Variants in OTULINL observed in about 807,000 individuals in gnomAD.
OTULINL encodes the protein OTU deubiquitinase with linear linkage specificity like.
A neutral mutation model predicts 43.9 loss-of-function variants in OTULINL; 42 were observed. The ratio of observed to expected loss-of-function variants is 0.96; its 90% confidence interval spans 0.75 to 1.24. OTULINL has a LOEUF of 1.24. Among genes scored for constraint, OTULINL ranks in the 50% most tolerant of loss-of-function variants. The pLI, the probability that OTULINL is intolerant of heterozygous loss-of-function variation, is 0.00. For missense variants in OTULINL, 411 were observed against 426.4 expected (o/e 0.96, Z 0.32); for synonymous variants, 172 against 153.6 (o/e 1.12, Z -0.88).
intron 1 of OTULINL, among the ~76,000 whole-genome samples, chr5:14,600,715 ATTC>A (rs1391577050): frequency 6.6e-6 from 1 of 152,150 alleles, no homozygotes; most frequent in African/African-American, 2.4e-5. Context: ...CATACTCTTT[ATTC>A]TTCTTAATTT....
In OTULINL at chr5:14,612,246, T is replaced by G. The variant is rs1299318221; in HGVS notation, c.*1932T>G. 6.6e-6 allele frequency: 1 copy of G among 152,270 alleles called. No homozygotes were observed. Among genetic ancestry groups the G allele is most frequent in the Non-Finnish European group, 1.5e-5 (1 of 68,050 alleles). The allele number at this position is 152,270 out of a possible 1,614,324, so 9.4% of individuals were successfully genotyped here. A position where few individuals can be genotyped will look rare whatever the true frequency, so the allele number is the denominator to read the frequency against. Reference sequence around the variant, plus strand: ...TGGCTGATACTTATAGAATTGTTGCTCCAAAATTTTGGCTCCACTTGAGCT... The same window carrying G: ...TGGCTGATACTTATAGAATTGTTGCGCCAAAATTTTGGCTCCACTTGAGCT... On this transcript the variant is annotated 3_prime_UTR_variant, in exon 8 of 8. Transcript: ENST00000274217.
chr5:14,587,437 C>G (rs954340222), intron 1 of OTULINL, among the ~76,000 whole-genome samples: 1 of 152,218 alleles, frequency 6.6e-6, no homozygotes, highest in African/African-American at 2.4e-5. Flanking sequence ...GCACTCATGT[C>G]AGTGGATGAG....
intron 1 of OTULINL, among the ~76,000 whole-genome samples, chr5:14,585,987 A>G (rs560019232): frequency 2.0e-5 from 3 of 152,342 alleles, no homozygotes; most frequent in African/African-American, 7.2e-5. Context: ...TGGGTACAGG[A>G]GGAGAGAGAT....
intron 1 of OTULINL, among the ~76,000 whole-genome samples, chr5:14,584,509 C>G (rs899090941): frequency 4.6e-5 from 7 of 152,204 alleles, no homozygotes; most frequent in South Asian, 2.1e-4. Flanking sequence ...GAGTTTAATG[C>G]TAAATCAGAA....
At chr5:14,584,261 T>C (rs574871580) in intron 1 of OTULINL, among the ~76,000 whole-genome samples, 106 of 152,234 alleles carry the variant, frequency 7.0e-4, no homozygotes, top group Non-Finnish European at 1.2e-3. Flanking sequence ...GCTGTGGTTC[T>C]CTCCACCACT....
intron 1 of OTULINL, among the ~76,000 whole-genome samples, chr5:14,591,324 T>C (rs152616): frequency 0.01 from 1,593 of 152,318 alleles, 23 homozygotes; most frequent in African/African-American, 0.037. Flanking sequence ...AATATATTTT[T>C]CTAAGTCAGC....
In OTULINL at chr5:14,615,038, C is replaced by G; in HGVS notation, c.*4724C>G. On this transcript the variant is annotated 3_prime_UTR_variant, in exon 8 of 8. Coordinates refer to ENST00000274217, the MANE Select transcript of OTULINL (RefSeq NM_019018.3). ...ATCGTAGTCTAGATGGGCTGTAAAA[C>G]CCATTTCCACACGAGTATAAATTTA... 6.5e-6 allele frequency: 2 copies of G among 307,704 alleles called. No homozygotes were observed. The highest frequency in any genetic ancestry group is 5.2e-5 in the East Asian group (1 of 19,132). 19.1% of individuals were successfully genotyped at this position (307,704 alleles called of 1,614,324 possible).
intron 1 of OTULINL, among the ~76,000 whole-genome samples, chr5:14,588,544 A>G (rs533569546): frequency 6.6e-6 from 1 of 152,380 alleles, no homozygotes; most frequent in South Asian, 2.1e-4. Context: ...AGGGACCACC[A>G]GGATAGAGGC....
intron 1 of OTULINL, among the ~76,000 whole-genome samples, chr5:14,582,419 C>A (rs1339337216): frequency 6.6e-6 from 1 of 152,032 alleles, no homozygotes; most frequent in African/African-American, 2.4e-5. Context: ...GCGTTTCGCG[C>A]CCTGCTGGCA....
intron 3 of OTULINL, 50 bp from the exon 4 acceptor site, chr5:14,601,301 A>G: frequency 6.2e-7 from 1 of 1,610,394 alleles, no homozygotes; most frequent in Non-Finnish European, 8.5e-7. Context: ...GGGTTCAAGA[A>G]GGGAGAAGAA....
chr5:14,595,665 T>G (rs397754500), intron 1 of OTULINL, among the ~76,000 whole-genome samples: 2 of 140,138 alleles, frequency 1.4e-5, no homozygotes, highest in African/African-American at 2.7e-5. Context: ...TTTTTTTTTT[T>G]TTGTGTAGTT....
intron 1 of OTULINL, among the ~76,000 whole-genome samples, chr5:14,589,873 C>G (rs1013383346): frequency 6.6e-6 from 1 of 152,108 alleles, no homozygotes; most frequent in African/African-American, 2.4e-5. Flanking sequence ...CTCACTTGAA[C>G]TTTGGAGGCA....
At chr5:14,583,275 G>A (rs2126766784) in intron 1 of OTULINL, among the ~76,000 whole-genome samples, 1 of 152,316 alleles carries the variant, frequency 6.6e-6, no homozygotes, top group Middle Eastern at 3.4e-3. Flanking sequence ...GCCCCTCCCA[G>A]TGGAGAAGAA....
At chr5:14,584,497 A>G (rs530795690) in intron 1 of OTULINL, among the ~76,000 whole-genome samples, 1 of 152,156 alleles carries the variant, frequency 6.6e-6, no homozygotes, top group Non-Finnish European at 1.5e-5. Context: ...GTTTGGAGGA[A>G]AGAGTTTAAT....
intron 1 of OTULINL, among the ~76,000 whole-genome samples, chr5:14,600,379 T>C (rs1256339371): frequency 2.0e-5 from 3 of 152,244 alleles, no homozygotes; most frequent in Non-Finnish European, 4.4e-5. Flanking sequence ...TATGTCTTTA[T>C]TAGCAGCATG....
chr5:14,605,821 A>G (rs1487419996), intron 5 of OTULINL, among the ~76,000 whole-genome samples: 2 of 152,170 alleles, frequency 1.3e-5, no homozygotes, highest in Admixed American at 6.5e-5. Flanking sequence ...ACCTGAGACT[A>G]CCTCAGCCTG....
In OTULINL at chr5:14,596,148, A is replaced by G. The variant is rs534061628; in HGVS notation, c.65-4817A>G. The stretch of plus-strand genomic sequence containing the variant: ...AAGTCCCCTTGTGGACTTTCTGGAG[A>G]TTTTTTTTGCCAAAACTTGTCCCCT... On this transcript the variant is annotated intron_variant, in intron 1 of 7. Coordinates refer to ENST00000274217, the MANE Select transcript of OTULINL (RefSeq NM_019018.3). 4.6e-5 allele frequency among the ~76,000 whole-genome samples: 7 copies of G among 151,616 alleles called. 1 individual carries two copies. The South Asian group carries it at 1.5e-3, about 32-fold the overall frequency.
chr5:14,601,171 C>G (rs2126780211), intron 2 of OTULINL, 42 bp from the exon 3 acceptor site: 1 of 1,611,860 alleles, frequency 6.2e-7, no homozygotes, highest in Non-Finnish European at 8.5e-7. Context: ...CTTTACTATT[C>G]AAAGCAGAAT....
intron 1 of OTULINL, among the ~76,000 whole-genome samples, chr5:14,584,727 C>T (rs1399523759): frequency 6.6e-6 from 1 of 152,186 alleles, no homozygotes; most frequent in African/African-American, 2.4e-5. Flanking sequence ...CACACACAAA[C>T]TTGTACAAGG....
Sources: allele counts gnomAD v4.1 joint callset (sites outside exome capture counted in the v4.1 genomes callset), GRCh38; gene constraint gnomAD v4.1.1; transcripts MANE v1.5; gene names NCBI Gene and HGNC (gene_info 2026-07-23, HGNC 2026-07-21).